Variants in TMEM184A observed in about 807,000 individuals in gnomAD.
The protein encoded by TMEM184A is sexually dimorphic, expressed in male gonads 1.
A neutral mutation model predicts 39.5 loss-of-function variants in TMEM184A; 40 were observed. That is an observed-to-expected ratio of 1.01 (90% CI 0.79 to 1.32). The LOEUF (loss-of-function observed/expected upper bound fraction) is 1.32, where lower values mean the gene tolerates loss of function less well. Ranked by LOEUF, TMEM184A falls within the 40% of genes most tolerant of loss-of-function variation. TMEM184A has a pLI of 0.00. For synonymous variants in TMEM184A, 280 were observed against 252.3 expected (o/e 1.11, Z -1.04); for missense variants, 603 against 568.8 (o/e 1.06, Z -0.61).
Position 1,555,622 on chromosome 7 carries a change from C to A in TMEM184A, c.1-138G>T. ...GCCACCCACCAGGCCGCACCCCCCA[C>A]ACGGACACCAGCGCCAGGCCCGGCT... On this transcript the variant is annotated intron_variant, in intron 1 of 8. Transcript: ENST00000297477. The surrounding 1 kb of genome is among the most constrained non-coding windows in gnomAD (Gnocchi z 5.2). 1 of 705,096 alleles carries A rather than the reference C, an allele frequency of 1.4e-6. No individual in the cohort carries two copies. The highest frequency in any genetic ancestry group is 2.5e-6 in the Non-Finnish European group (1 of 400,082). 43.7% of individuals were successfully genotyped at this position (705,096 alleles called of 1,614,324 possible). A position where few individuals can be genotyped will look rare whatever the true frequency, so the allele number is the denominator to read the frequency against.
chr7:1,549,277 CGT>C, intron 6 of TMEM184A: 2 of 428,876 alleles, frequency 4.7e-6, no homozygotes, highest in South Asian at 1.7e-5. Context: ...CATGTGTCCC[CGT>C]GTGTGAGCAT....
In TMEM184A at chr7:1,550,958, T is replaced by C; in HGVS notation, c.244A>G (p.Thr82Ala). 2 of 1,612,998 alleles carry C rather than the reference T, an allele frequency of 1.2e-6. No individual in the cohort carries two copies. Among genetic ancestry groups the C allele is most frequent in the Non-Finnish European group, 1.7e-6 (2 of 1,179,820 alleles). The change falls in exon 3 of 9, where the codon ACC becomes GCC. Residue 82 changes from threonine (T) to alanine (A), a missense_variant. By Grantham distance (58) the Thr-to-Ala change is moderately conservative. Coordinates refer to ENST00000297477, the MANE Select transcript of TMEM184A (RefSeq NM_001097620.2). ...ATGTAACGTTGCTCCTGTGGCACGG[T>C]GTAGGAGCGCAGGTGCAGATAGATC... is the stretch of plus-strand genomic sequence containing the variant. ...HQIYLHLRSY[T>A]VPQEQRYIIR...
chr7:1,549,854 T>C lies in TMEM184A; in HGVS notation c.644A>G (p.Asn215Ser). ...GGTGTCCCCGCAGCTCCCGCCTTACTTGAAGTCCCCGTCGTGGTATTTGCC... is the reference window on the plus strand; with the variant it reads ...GGTGTCCCCGCAGCTCCCGCCTTACCTGAAGTCCCCGTCGTGGTATTTGCC... ...AFGKYHDGDF[N>S]VRSGYLYVTL... is the part of the protein sequence containing the mutation. The change falls in exon 6 of 9, where the codon AAT (asparagine) becomes AGT (serine). Residue 215 changes from asparagine (N) to serine (S), a missense_variant and splice_region_variant. By Grantham distance (46) the Asn-to-Ser change is conservative. Transcript: ENST00000297477. The C allele has an allele frequency of 6.9e-6, 11 of 1,601,454 alleles. No homozygotes were observed. Among genetic ancestry groups the C allele is most frequent in the Non-Finnish European group, 9.4e-6 (11 of 1,173,070 alleles).
In TMEM184A at chr7:1,549,898, G is replaced by A. The variant is rs745933432; in HGVS notation, c.600C>T (p.Thr200=). ...CLVKPVMAVT[T]IILQAFGKYH... is the part of the protein sequence containing the mutation. ...ATTTGCCAAATGCCTGGAGGATGAT[G>A]GTGGTGACGGCCATGACGGGCTTCA... Residue 200 remains threonine, a synonymous_variant, in exon 6 of 9, where the codon ACC becomes ACT. Transcript: ENST00000297477. 2.2e-5 allele frequency: 35 copies of A among 1,612,250 alleles called. No individual in the cohort carries two copies. Among genetic ancestry groups the A allele is most frequent in the Non-Finnish European group, 2.6e-5 (31 of 1,179,334 alleles).
intron 2 of TMEM184A, 113 bp from the exon 3 acceptor site, chr7:1,551,095 G>C (rs1486991591): frequency 5.5e-6 from 7 of 1,272,734 alleles, no homozygotes; most frequent in Non-Finnish European, 7.4e-6. Context: ...GTGAGAGCCA[G>C]GTCCACCCGG....
Position 1,547,729 on chromosome 7 carries a change from A to G in TMEM184A, c.1012+13T>C. On this transcript the variant is annotated intron_variant, in intron 8 of 8. Transcript: ENST00000297477. ...GTGCGCTCCGGGTGCCCCAGCTGGA[A>G]GGCAGGGTGTACCTGGTGAATTCTC... 6.2e-7 allele frequency: 1 copy of G among 1,608,972 alleles called. No individual in the cohort carries two copies. The highest frequency in any genetic ancestry group is 1.1e-5 in the South Asian group (1 of 90,190).
rs142578618 is a variant in TMEM184A at position 1,542,336 on chromosome 7, A to G, written c.*4616T>C. The G allele has an allele frequency of 9.9e-3, 1,515 of 152,762 alleles. 11 individuals are homozygous for G. The highest frequency in any genetic ancestry group is 0.034 in the Middle Eastern group (10 of 296). The allele number at this position is 152,762 out of a possible 1,614,324, so 9.5% of individuals were successfully genotyped here. A position where few individuals can be genotyped will look rare whatever the true frequency, so the allele number is the denominator to read the frequency against. On this transcript the variant is annotated 3_prime_UTR_variant, in exon 9 of 9. Coordinates refer to ENST00000297477, the MANE Select transcript of TMEM184A (RefSeq NM_001097620.2). ...AATCTATCAGAGCAGAGCCGGGGGC[A>G]CGGGCACAGGTGGGAGTTGGGAGCA... is the stretch of plus-strand genomic sequence containing the variant.
At chr7:1,553,718 C>T (rs1784692112) in intron 2 of TMEM184A, among the ~76,000 whole-genome samples, 1 of 152,156 alleles carries the variant, frequency 6.6e-6, no homozygotes, top group Non-Finnish European at 1.5e-5. Flanking sequence ...GACCAGCCAT[C>T]AGGAGACCTC....
rs1044533 is a variant in TMEM184A at position 1,542,986 on chromosome 7, C to G, written c.*3966G>C. ...GGCCACCACCTAATTTATTGCCGTG[C>G]GTCCTGCTGCTGTGACTGCTTTTGT... On this transcript the variant is annotated 3_prime_UTR_variant, in exon 9 of 9. Coordinates refer to ENST00000297477, the MANE Select transcript of TMEM184A (RefSeq NM_001097620.2). 1 of 152,712 alleles carries G rather than the reference C, an allele frequency of 6.5e-6. No individual in the cohort carries two copies. Among genetic ancestry groups the G allele is most frequent in the Non-Finnish European group, 1.5e-5 (1 of 68,092 alleles). 9.5% of individuals were successfully genotyped at this position (152,712 alleles called of 1,614,324 possible). A position where few individuals can be genotyped will look rare whatever the true frequency, so the allele number is the denominator to read the frequency against.
chr7:1,547,976 C>T (rs563325789), intron 7 of TMEM184A, 37 bp from the exon 8 acceptor site: 31 of 1,541,118 alleles, frequency 2.0e-5, no homozygotes, highest in African/African-American at 5.5e-5. Flanking sequence ...CAGCCCCAGA[C>T]GGGGTCTGCA....
chr7:1,553,051 C>A (rs1280209886), intron 2 of TMEM184A, among the ~76,000 whole-genome samples: 1 of 151,414 alleles, frequency 6.6e-6, no homozygotes, highest in Non-Finnish European at 1.5e-5. Flanking sequence ...TGAGATCCTG[C>A]CTAAAAAAAA....
intron 6 of TMEM184A, chr7:1,548,998 G>C (rs758194873): frequency 1.8e-6 from 1 of 563,194 alleles, no homozygotes; most frequent in Non-Finnish European, 3.4e-6. Context: ...CTGTCGGAAC[G>C]CCACCTCCCA....
intron 2 of TMEM184A, among the ~76,000 whole-genome samples, chr7:1,552,884 T>C (rs1346871276): frequency 6.6e-6 from 1 of 152,102 alleles, no homozygotes; most frequent in Admixed American, 6.6e-5. Context: ...GCGAACTCCA[T>C]CTCTACTAAA....
In TMEM184A at chr7:1,550,906, A is replaced by G; in HGVS notation, c.296T>C (p.Ile99Thr). 6.2e-7 allele frequency: 1 copy of G among 1,613,838 alleles called. No individual in the cohort carries two copies. Among genetic ancestry groups the G allele is most frequent in the East Asian group, 2.2e-5 (1 of 44,880 alleles). Residue 99 changes from isoleucine (I) to threonine (T), a missense_variant, in exon 3 of 9, where the codon ATC becomes ACC. Physicochemically the swap from Ile to Thr is moderately conservative, Grantham distance 89 (BLOSUM62 -1). Coordinates refer to ENST00000297477, the MANE Select transcript of TMEM184A (RefSeq NM_001097620.2). ...YIIRLLLIVPIYAFDSWLSLL... is the reference protein window; with the variant it reads ...YIIRLLLIVPTYAFDSWLSLL... ...GCTGAGCCAGGAGTCGAAGGCGTAGATGGGCACGATGAGGAGCAGGCGGAT... is the reference window on the plus strand; with the variant it reads ...GCTGAGCCAGGAGTCGAAGGCGTAGGTGGGCACGATGAGGAGCAGGCGGAT...
At chr7:1,549,653 G>A (rs1232657094) in intron 6 of TMEM184A, 3 of 687,932 alleles carry the variant, frequency 4.4e-6, no homozygotes, top group Non-Finnish European at 8.1e-6. Flanking sequence ...CCCTAGCCCA[G>A]CCGGACGCCA....
Position 1,548,501 on chromosome 7 carries a change from C to T in TMEM184A, c.814+18G>A, listed in dbSNP as rs757723306. ...GCCCCCACCTCGGTAGCACCCCTGC[C>T]CCACCTGCCCCACACACCTTGCCAG... On this transcript the variant is annotated intron_variant, in intron 7 of 8. Transcript: ENST00000297477. 5 of 1,603,574 alleles carry T rather than the reference C, an allele frequency of 3.1e-6. No homozygotes were observed. The Admixed American group carries it at 8.4e-5, about 27-fold the overall frequency.
chr7:1,550,122 C>G lies in TMEM184A; in HGVS notation c.552+1G>C. 1.2e-6 allele frequency: 2 copies of G among 1,601,208 alleles called. No individual in the cohort carries two copies. The highest frequency in any genetic ancestry group is 2.7e-5 in the African/African-American group (2 of 74,836). ...GCGGGCAGGGCTGGGTGGCCCCTCA[C>G]CTGCTTACAGAAGCGCAGGAACCCG... is the stretch of plus-strand genomic sequence containing the variant. On this transcript the variant is annotated splice_donor_variant, in intron 5 of 8. Coordinates refer to ENST00000297477, the MANE Select transcript of TMEM184A (RefSeq NM_001097620.2). LOFTEE classifies it high-confidence loss of function.
chr7:1,547,700 G>C, intron 8 of TMEM184A, 42 bp downstream of exon 8: 1 of 1,567,360 alleles, frequency 6.4e-7, no homozygotes, highest in Non-Finnish European at 8.7e-7. Context: ...CCCGGGGCAG[G>C]GCTGTGCGCT....
intron 6 of TMEM184A, chr7:1,548,947 C>T (rs975432748): frequency 1.9e-5 from 12 of 637,124 alleles, no homozygotes; most frequent in Non-Finnish European, 3.5e-5. Flanking sequence ...CCTCCTCGTC[C>T]CAGGATCCTG....
Sources: allele counts gnomAD v4.1 joint callset (sites outside exome capture counted in the v4.1 genomes callset), GRCh38; gene constraint gnomAD v4.1.1; non-coding constraint Gnocchi (gnomAD v3.1); transcripts MANE v1.5; gene names NCBI Gene and HGNC (gene_info 2026-07-23, HGNC 2026-07-21).